Variants in FAT4 observed in about 807,000 individuals in gnomAD.
FAT4 encodes the protein FAT atypical cadherin 4.
FAT4 carries 84 observed loss-of-function variants against 303.9 expected under a neutral mutation model. That is an observed-to-expected ratio of 0.28 (90% CI 0.23 to 0.33). The LOEUF is 0.33. Ranked by LOEUF, FAT4 falls within the 10% of genes least tolerant of loss-of-function variation. FAT4 has a pLI of 1.00. For missense variants in FAT4, 6,005 were observed against 6,146.8 expected (o/e 0.98, Z 0.77); for synonymous variants, 2,307 against 2,298.8 (o/e 1.00, Z -0.10).
In FAT4 at chr4:125,491,592, C is replaced by G; in HGVS notation, c.14776C>G (p.Gln4926Glu). 1 of 1,614,200 alleles carries G rather than the reference C, an allele frequency of 6.2e-7. No homozygotes were observed. The highest frequency in any genetic ancestry group is 1.1e-5 in the South Asian group (1 of 91,084). Residue 4926 changes from glutamine to glutamate, a missense_variant, in exon 18 of 18, where the codon CAA (glutamine) becomes GAA (glutamate). Physicochemically the swap from Gln to Glu is conservative, Grantham distance 29 (BLOSUM62 2). Transcript: ENST00000394329. ...CACACTGCCCATGAAGCTAGGGCAG[C>G]AAGCAGGGACTTTCAACTGGGACAA... is the stretch of plus-strand genomic sequence containing the variant. ...DNTLPMKLGQ[Q>E]AGTFNWDNLL... is the part of the protein sequence containing the mutation.
rs1727161357 is a variant in FAT4 at position 125,479,831 on chromosome 4, C to T, written c.12570C>T (p.Cys4190=). Residue 4190 remains cysteine (C), a synonymous_variant, in exon 15 of 18, where the codon TGC becomes TGT. Coordinates refer to ENST00000394329, the MANE Select transcript of FAT4 (RefSeq NM_001291303.3). ...MDYWSWQQCH[C]KEGLTGKYCE... ...ACTGGTCATGGCAGCAGTGTCATTG[C>T]AAAGAGGGACTCACTGGGAAATACT... 1.9e-6 allele frequency: 3 copies of T among 1,599,316 alleles called. No homozygotes were observed. Among genetic ancestry groups the T allele is most frequent in the Admixed American group, 1.7e-5 (1 of 59,854 alleles).
intron 2 of FAT4, among the ~76,000 whole-genome samples, chr4:125,349,440 CT>C (rs1353846922): frequency 2.0e-5 from 3 of 151,606 alleles, no homozygotes; most frequent in African/African-American, 7.3e-5. Flanking sequence ...CAGAGATGGA[CT>C]ATTAAATCAG....
At position 125,451,652 on chromosome 4, in the gene FAT4, T is replaced by G. The variant is rs1413771474; in HGVS notation, c.10642T>G (p.Tyr3548Asp). 6.2e-7 allele frequency: 1 copy of G among 1,614,132 alleles called. No homozygotes were observed. The highest frequency in any genetic ancestry group is 1.1e-5 in the South Asian group (1 of 91,086). The change falls in exon 10 of 18, where the codon TAT becomes GAT. Residue 3548 changes from tyrosine to aspartate, a missense_variant. Physicochemically the swap from Tyr to Asp is radical, Grantham distance 160 (BLOSUM62 -3). Coordinates refer to ENST00000394329, the MANE Select transcript of FAT4 (RefSeq NM_001291303.3). ...DLPPNQGPFT[Y>D]YLLSTGPATS... Reference sequence around the variant, plus strand: ...CCCTCCAAATCAAGGTCCCTTTACTTATTACTTGCTGAGCACAGGTCCTGC... The same window carrying G: ...CCCTCCAAATCAAGGTCCCTTTACTGATTACTTGCTGAGCACAGGTCCTGC...
At chr4:125,349,314 A>G (rs777910092) in intron 2 of FAT4, among the ~76,000 whole-genome samples, 5 of 151,812 alleles carry the variant, frequency 3.3e-5, no homozygotes, top group African/African-American at 7.2e-5. Flanking sequence ...ATATTAACAC[A>G]TGTGTTATGG....
rs2126027812 is a variant in FAT4, at chr4:125,415,555, A to G, written c.6592A>G (p.Thr2198Ala). Reference sequence around the variant, plus strand: ...TCGCTATGGCATTGTTAATGGTAATACCAATCAGGAATTTCGGATAGACTC... The same window carrying G: ...TCGCTATGGCATTGTTAATGGTAATGCCAATCAGGAATTTCGGATAGACTC... ...QVRYGIVNGN[T>A]NQEFRIDSVT... Residue 2198 changes from threonine to alanine, a missense_variant, in exon 6 of 18, where the codon ACC becomes GCC. Transcript: ENST00000394329. The G allele has an allele frequency of 1.2e-6, 2 of 1,614,072 alleles. No individual in the cohort carries two copies. The highest frequency in any genetic ancestry group is 1.7e-6 in the Non-Finnish European group (2 of 1,179,978).
intron 2 of FAT4, among the ~76,000 whole-genome samples, chr4:125,341,441 T>C (rs1247346215): frequency 6.6e-6 from 1 of 152,104 alleles, no homozygotes; most frequent in Non-Finnish European, 1.5e-5. Flanking sequence ...CTCAAGTGTT[T>C]CTTATTTCTG....
At chr4:125,478,881 T>C (rs1727125330) in intron 14 of FAT4, among the ~76,000 whole-genome samples, 1 of 152,080 alleles carries the variant, frequency 6.6e-6, no homozygotes, top group Admixed American at 6.6e-5. Context: ...TGGCTCAAAG[T>C]GCTTCAATAG....
intron 2 of FAT4, among the ~76,000 whole-genome samples, chr4:125,364,623 A>G (rs1472988896): frequency 1.3e-5 from 2 of 152,120 alleles, no homozygotes; most frequent in Non-Finnish European, 2.9e-5. Context: ...TTCAGTGGTC[A>G]GGAGTCAGTT....
rs765080798 is a variant in FAT4 at position 125,320,035 on chromosome 4, C to T, written c.3624C>T (p.Pro1208=). The change falls in exon 2 of 18, where the codon CCC becomes CCT. Residue 1208 remains proline (P), a synonymous_variant. Coordinates refer to ENST00000394329, the MANE Select transcript of FAT4 (RefSeq NM_001291303.3). ...VYMKDINDNA[P]KFLKDFYQAT... is the part of the protein sequence containing the mutation. Reference sequence around the variant, plus strand: ...TGAAGGATATAAATGATAATGCTCCCAAATTTTTAAAAGACTTTTACCAAG... The same window carrying T: ...TGAAGGATATAAATGATAATGCTCCTAAATTTTTAAAAGACTTTTACCAAG... The T allele has an allele frequency of 5.6e-6, 9 of 1,613,406 alleles. No individual in the cohort carries two copies. In the South Asian group the frequency reaches 9.9e-5, roughly 18 times the overall value.
Position 125,318,098 on chromosome 4 carries a change from G to C in FAT4, c.1687G>C (p.Val563Leu), listed in dbSNP as rs377621635. 12 of 1,614,020 alleles carry C rather than the reference G, an allele frequency of 7.4e-6. No individual in the cohort carries two copies. In the African/African-American group the frequency reaches 1.1e-4, roughly 14 times the overall value. ...SARDQGVHPK[V>L]SYAQLVVTLL... ...CCGGGACCAGGGAGTTCACCCCAAG[G>C]TGTCCTATGCCCAGCTTGTAGTAAC... Residue 563 changes from valine to leucine, a missense_variant, in exon 2 of 18, where the codon GTG becomes CTG. Physicochemically the swap from Val to Leu is conservative, Grantham distance 32 (BLOSUM62 1). Coordinates refer to ENST00000394329, the MANE Select transcript of FAT4 (RefSeq NM_001291303.3).
intron 9 of FAT4, among the ~76,000 whole-genome samples, chr4:125,447,165 T>G (rs1725855116): frequency 6.6e-6 from 1 of 152,106 alleles, no homozygotes; most frequent in African/African-American, 2.4e-5. Flanking sequence ...TCTTTAAATT[T>G]AGTTTGACAT....
intron 3 of FAT4, among the ~76,000 whole-genome samples, chr4:125,402,510 G>T (rs185163213): frequency 6.6e-6 from 1 of 152,084 alleles, no homozygotes; most frequent in Admixed American, 6.6e-5. Context: ...GTAAATGTGG[G>T]TAATGTCTTA....
intron 2 of FAT4, among the ~76,000 whole-genome samples, chr4:125,387,394 G>A (rs1225657094): frequency 1.3e-5 from 2 of 152,080 alleles, no homozygotes; most frequent in Non-Finnish European, 2.9e-5. Context: ...TAAAGATGGC[G>A]ACCATGTTAT....
At chr4:125,423,602 G>A (rs1019197350) in intron 7 of FAT4, among the ~76,000 whole-genome samples, 53 of 152,182 alleles carry the variant, frequency 3.5e-4, no homozygotes, top group Non-Finnish European at 7.2e-4. Context: ...TATGCCTGCT[G>A]GGGCATTGCC....
At chr4:125,412,333 T>G (rs2126024514) in intron 5 of FAT4, among the ~76,000 whole-genome samples, 1 of 151,932 alleles carries the variant, frequency 6.6e-6, no homozygotes, top group East Asian at 1.9e-4. Context: ...CAGCAATTAA[T>G]TTTCAGTTCC....
chr4:125,375,492 A>G (rs955719473), intron 2 of FAT4, among the ~76,000 whole-genome samples: 1 of 152,146 alleles, frequency 6.6e-6, no homozygotes, highest in Non-Finnish European at 1.5e-5. Flanking sequence ...TTGGCAAACT[A>G]CTTGGATACC....
intron 2 of FAT4, among the ~76,000 whole-genome samples, chr4:125,362,478 A>G (rs1367155155): frequency 6.6e-6 from 1 of 152,148 alleles, no homozygotes; most frequent in Non-Finnish European, 1.5e-5. Context: ...AAGAGAAATG[A>G]TTCTTCTCTT....
chr4:125,406,389 A>G (rs1734607460), intron 3 of FAT4, among the ~76,000 whole-genome samples: 1 of 152,102 alleles, frequency 6.6e-6, no homozygotes, highest in South Asian at 2.1e-4. Context: ...TACTTTATTC[A>G]TTACTGTAAC....
At chr4:125,420,829 A>G (rs1177832919) in intron 7 of FAT4, among the ~76,000 whole-genome samples, 6 of 152,198 alleles carry the variant, frequency 3.9e-5, no homozygotes, top group African/African-American at 1.4e-4. Context: ...GACAGGTCGT[A>G]TTGCTACTCT....
Sources: gnomAD v4.1 joint callset for allele counts (sites outside exome capture counted in the v4.1 genomes callset) on GRCh38, gnomAD v4.1.1 for gene constraint, MANE v1.5 for transcripts, NCBI Gene and HGNC (gene_info 2026-07-23, HGNC 2026-07-21) for gene names.